The following TRAPPC9 variants were observed in gnomAD, a reference collection of about 807,000 sequenced individuals.
TRAPPC9 encodes IKK2 binding protein.
A neutral mutation model predicts 124.0 loss-of-function variants in TRAPPC9; 83 were observed. The ratio of observed to expected loss-of-function variants is 0.67; its 90% confidence interval spans 0.56 to 0.80. The LOEUF (loss-of-function observed/expected upper bound fraction) is 0.80, where lower values mean the gene tolerates loss of function less well. TRAPPC9 is among the 30% of genes least tolerant of loss of function. The probability of loss-of-function intolerance (pLI) is 0.00; values close to 1 mark genes in which losing one functional copy is unlikely to be tolerated. For synonymous variants in TRAPPC9, 638 were observed against 617.5 expected, an observed-to-expected ratio of 1.03 and a Z score of -0.49; for missense variants, 1,302 against 1,508.3, an observed-to-expected ratio of 0.86 and a Z score of 2.27.
chr8:140,065,718 C>T (rs1044249032), intron 17 of TRAPPC9, among the ~76,000 whole-genome samples: 1 of 152,268 alleles, frequency 6.6e-6, no homozygotes. Context: ...AAACCTACTG[C>T]TTAGAAAAAA....
chr8:139,866,592 G>A (rs1320542572), intron 21 of TRAPPC9, among the ~76,000 whole-genome samples: 1 of 152,144 alleles, frequency 6.6e-6, no homozygotes, highest in Non-Finnish European at 1.5e-5. Context: ...AGACCGATAA[G>A]TTACAGATTA....
chr8:140,350,693 C>T (rs927907211), intron 9 of TRAPPC9, among the ~76,000 whole-genome samples: 65 of 151,958 alleles, frequency 4.3e-4, no homozygotes, highest in African/African-American at 1.5e-3. Context: ...TTCAAGATCG[C>T]CCAGGAACAG....
intron 17 of TRAPPC9, among the ~76,000 whole-genome samples, chr8:140,219,409 C>T (rs912688936): frequency 6.6e-6 from 1 of 152,138 alleles, no homozygotes; most frequent in Non-Finnish European, 1.5e-5. Flanking sequence ...CTTCCGGTCC[C>T]GCATACCAGT....
chr8:140,244,365 T>C (rs1450065970), intron 16 of TRAPPC9, among the ~76,000 whole-genome samples: 6 of 152,194 alleles, frequency 3.9e-5, no homozygotes, highest in African/African-American at 1.4e-4. Flanking sequence ...CTATTTCCCA[T>C]ACTGAAACTG....
Position 139,731,994 on chromosome 8 carries a change from G to A in TRAPPC9, c.3264C>T (p.Thr1088=). 2 of 1,587,714 alleles carry A rather than the reference G, an allele frequency of 1.3e-6. No homozygotes were observed. Among genetic ancestry groups the A allele is most frequent in the Non-Finnish European group, 1.7e-6 (2 of 1,166,696 alleles). The stretch of plus-strand genomic sequence containing the variant: ...CACCACGCACCGCGTCGAGGTAGAA[G>A]GTGCTGGAGCCCACGAAGGAGACGG... ...HDTVSFVGSS[T]FYLDAVQPSG... Residue 1088 remains threonine (T), a synonymous_variant, in exon 22 of 23, where the codon ACC becomes ACT. Transcript: ENST00000438773.
chr8:140,451,405 G>A lies in TRAPPC9; in HGVS notation c.-10-22C>T, dbSNP rs776597213. 6.3e-6 allele frequency: 10 copies of A among 1,587,624 alleles called. No homozygotes were observed. The African/African-American group carries it at 1.3e-4, about 21-fold the overall frequency. On this transcript the variant is annotated intron_variant, in intron 1 of 22. Transcript: ENST00000438773. Reference sequence around the variant, plus strand: ...GTCCCTGTTCAGAGAGAAGAAATGAGGCTGTGAGACACAGAGTCCTGAGTG... The same window carrying A: ...GTCCCTGTTCAGAGAGAAGAAATGAAGCTGTGAGACACAGAGTCCTGAGTG...
At chr8:140,278,486 T>A (rs1202794556) in intron 14 of TRAPPC9, among the ~76,000 whole-genome samples, 1 of 152,196 alleles carries the variant, frequency 6.6e-6, no homozygotes, top group Non-Finnish European at 1.5e-5. Flanking sequence ...TAAGTATGTA[T>A]TGAACAAATT....
chr8:139,899,540 G>A (rs1341558397), intron 20 of TRAPPC9, among the ~76,000 whole-genome samples: 3 of 152,156 alleles, frequency 2.0e-5, no homozygotes, highest in Non-Finnish European at 4.4e-5. Flanking sequence ...GGTGGCAGAG[G>A]TGAAAGAAAA....
intron 3 of TRAPPC9, among the ~76,000 whole-genome samples, chr8:140,438,561 A>G (rs777744103): frequency 5.7e-4 from 86 of 152,168 alleles, no homozygotes; most frequent in Non-Finnish European, 9.3e-4. Context: ...GGGTGGGAGG[A>G]GGGCAGCAGA....
chr8:140,270,474 C>T (rs574237072), intron 15 of TRAPPC9, among the ~76,000 whole-genome samples: 46 of 152,288 alleles, frequency 3.0e-4, no homozygotes, highest in African/African-American at 1.1e-3. Flanking sequence ...TGCTATGTGC[C>T]AGGCCCTGGA....
chr8:139,848,490 G>A (rs1288700994), intron 21 of TRAPPC9, among the ~76,000 whole-genome samples: 1 of 151,978 alleles, frequency 6.6e-6, no homozygotes, highest in East Asian at 1.9e-4. Context: ...CAGGACATGA[G>A]ATATGGAATA....
chr8:140,227,581 C>G (rs2063483639), intron 16 of TRAPPC9, among the ~76,000 whole-genome samples: 1 of 152,174 alleles, frequency 6.6e-6, no homozygotes, highest in Non-Finnish European at 1.5e-5. Flanking sequence ...ATTTTGTATG[C>G]TAAAATAATA....
At chr8:140,318,743 G>A (rs1038909857) in intron 9 of TRAPPC9, among the ~76,000 whole-genome samples, 2 of 152,182 alleles carry the variant, frequency 1.3e-5, no homozygotes, top group African/African-American at 2.4e-5. Flanking sequence ...TCCATTGTGT[G>A]TACATACCAC....
chr8:140,028,455 C>T lies in TRAPPC9; in HGVS notation c.2557-4376G>A, dbSNP rs145850752. Among the ~76,000 whole-genome samples the T allele has an allele frequency of 3.7e-3, 568 of 152,290 alleles. 5 individuals are homozygous for T. Among genetic ancestry groups the T allele is most frequent in the African/African-American group, 0.013 (535 of 41,560 alleles). On this transcript the variant is annotated intron_variant, in intron 17 of 22. Transcript: ENST00000438773. ...TGCTGCACTGAGTGACTTACACACC[C>T]AACTGCAACAGTCATGAGAGCCCCA...
chr8:139,897,004 A>G (rs1830706129), intron 20 of TRAPPC9, among the ~76,000 whole-genome samples: 2 of 152,310 alleles, frequency 1.3e-5, no homozygotes, highest in South Asian at 4.1e-4. Context: ...GGGCCAACCC[A>G]GGCTTCACAG....
chr8:140,189,792 C>T (rs908289673), intron 17 of TRAPPC9, among the ~76,000 whole-genome samples: 2 of 152,136 alleles, frequency 1.3e-5, no homozygotes, highest in Admixed American at 6.5e-5. Context: ...ATTTGCAGCT[C>T]TTAGCACAAG....
intron 19 of TRAPPC9, among the ~76,000 whole-genome samples, chr8:139,924,929 AGG>A (rs367635846): frequency 1.3e-5 from 2 of 152,212 alleles, no homozygotes; most frequent in Non-Finnish European, 2.9e-5. Flanking sequence ...TTTCATGAGC[AGG>A]GGGGTCAGCG....
chr8:140,060,713 T>TG (rs1425418033), intron 17 of TRAPPC9, among the ~76,000 whole-genome samples: 4 of 152,140 alleles, frequency 2.6e-5, no homozygotes, highest in African/African-American at 9.7e-5. Flanking sequence ...GGTTTATTTC[T>TG]GGGGGGAGGA....
rs1220135506 is a variant in TRAPPC9, at chr8:140,332,697, TTAGA to T, written c.1496-21327_1496-21324del. Among the ~76,000 whole-genome samples the T allele has an allele frequency of 5.3e-5, 8 of 152,260 alleles. No homozygotes were observed. The South Asian group carries it at 1.2e-3, about 24-fold the overall frequency. Reference sequence around the variant, plus strand: ...TGCACATCTAACTATGAAGCAATGGTTAGATAAACTATGGTACAGCAGCATAATG... The same window carrying T: ...TGCACATCTAACTATGAAGCAATGGTTAAACTATGGTACAGCAGCATAATG... On this transcript the variant is annotated intron_variant, in intron 9 of 22. Coordinates refer to ENST00000438773, the MANE Select transcript of TRAPPC9 (RefSeq NM_001160372.4).
Sources: allele counts gnomAD v4.1 joint callset (sites outside exome capture counted in the v4.1 genomes callset), GRCh38; gene constraint gnomAD v4.1.1; transcripts MANE v1.5; gene names NCBI Gene and HGNC (gene_info 2026-07-23, HGNC 2026-07-21).